The following ZBTB20 variants were observed in gnomAD, a reference collection of about 807,000 sequenced individuals.
ZBTB20 encodes zinc finger and BTB domain-containing protein 20.
Under a neutral mutation model 56.9 loss-of-function variants are expected in ZBTB20, and 9 were observed. The ratio of observed to expected loss-of-function variants is 0.16; its 90% CI spans 0.10 to 0.28. The LOEUF is 0.28. ZBTB20 is among the 10% of genes least tolerant of loss of function. The probability of loss-of-function intolerance (pLI) is 1.00; values close to 1 mark genes in which losing one functional copy is unlikely to be tolerated. For synonymous variants in ZBTB20, 417 were observed against 420.7 expected (o/e 0.99, Z 0.11); for missense variants, 655 against 1,003.0 (o/e 0.65, Z 4.69).
At chr3:114,607,036 T>C (rs1037160545) in intron 6 of ZBTB20, among the ~76,000 whole-genome samples, 15 of 151,882 alleles carry the variant, frequency 9.9e-5, no homozygotes, top group African/African-American at 3.6e-4. Flanking sequence ...AGGCACAGGT[T>C]GCAGTGAGCC....
chr3:114,699,017 T>C (rs953684020), intron 5 of ZBTB20, among the ~76,000 whole-genome samples: 2 of 152,168 alleles, frequency 1.3e-5, no homozygotes, highest in Non-Finnish European at 1.5e-5. Flanking sequence ...TTAGGCTATA[T>C]TGCTCTATCA....
chr3:114,892,492 G>A (rs1362518989), intron 4 of ZBTB20, among the ~76,000 whole-genome samples: 4 of 152,208 alleles, frequency 2.6e-5, no homozygotes, highest in Non-Finnish European at 4.4e-5. Flanking sequence ...AGAATGAGAA[G>A]TAAAAGTATA....
intron 1 of ZBTB20, among the ~76,000 whole-genome samples, chr3:115,125,855 C>CATAAAGCTAATAATCATTTTT (rs2084316375): frequency 6.6e-6 from 1 of 151,948 alleles, no homozygotes; most frequent in Admixed American, 6.6e-5. Flanking sequence ...TAAATTTTTA[C>CATAAAGCTAATAATCATTTTT]ATGTAGAAAA....
At chr3:114,541,015 AATATAGG>A (rs1261120297) in intron 6 of ZBTB20, among the ~76,000 whole-genome samples, 1 of 152,062 alleles carries the variant, frequency 6.6e-6, no homozygotes, top group Non-Finnish European at 1.5e-5. Flanking sequence ...TAAACTCTTG[AATATAGG>A]ATCAGATTAC....
intron 6 of ZBTB20, among the ~76,000 whole-genome samples, chr3:114,641,770 A>C (rs982303751): frequency 6.6e-6 from 1 of 151,874 alleles, no homozygotes; most frequent in African/African-American, 2.4e-5. Context: ...TAATTCTCTT[A>C]GTCTACCTGA....
At chr3:114,547,164 T>G (rs72952565) in intron 6 of ZBTB20, among the ~76,000 whole-genome samples, 5,876 of 152,044 alleles carry the variant, frequency 0.039, 355 homozygotes, top group African/African-American at 0.13. Context: ...GGTAGTAGAG[T>G]GGCCTTACAG....
chr3:114,629,127 C>G (rs992730815), intron 6 of ZBTB20, among the ~76,000 whole-genome samples: 1 of 152,152 alleles, frequency 6.6e-6, no homozygotes, highest in East Asian at 1.9e-4. Context: ...ATTCAGGGCT[C>G]ATAGGCAGAT....
chr3:114,904,103 A>C (rs1463110697), intron 3 of ZBTB20, among the ~76,000 whole-genome samples: 1 of 151,992 alleles, frequency 6.6e-6, no homozygotes, highest in African/African-American at 2.4e-5. Context: ...TTCCAGATGC[A>C]GATATACTAT....
chr3:114,514,823 C>T (rs1291882627), intron 6 of ZBTB20, among the ~76,000 whole-genome samples: 3 of 152,168 alleles, frequency 2.0e-5, no homozygotes, highest in African/African-American at 7.2e-5. Context: ...AAAGAGCATG[C>T]CTAGAGGGAA....
intron 6 of ZBTB20, among the ~76,000 whole-genome samples, chr3:114,620,683 A>C (rs897951155): frequency 1.1e-4 from 16 of 152,266 alleles, no homozygotes; most frequent in Middle Eastern, 3.4e-3. Flanking sequence ...TTGATCCTCC[A>C]CTCAGACTGA....
chr3:114,629,353 T>C (rs2058813148), intron 6 of ZBTB20, among the ~76,000 whole-genome samples: 2 of 152,210 alleles, frequency 1.3e-5, no homozygotes, highest in African/African-American at 4.8e-5. Flanking sequence ...GCATTAATAA[T>C]CTACAAATTC....
intron 6 of ZBTB20, among the ~76,000 whole-genome samples, chr3:114,577,408 A>G (rs2054198612): frequency 6.6e-6 from 1 of 152,350 alleles, no homozygotes; most frequent in Non-Finnish European, 1.5e-5. Flanking sequence ...AACATAATAA[A>G]GAGAGATAAG....
chr3:115,108,817 T>A (rs554115495), intron 1 of ZBTB20, among the ~76,000 whole-genome samples: 1 of 152,240 alleles, frequency 6.6e-6, no homozygotes, highest in Non-Finnish European at 1.5e-5. Context: ...GTATCTTTAA[T>A]ATAGAATGAC....
intron 5 of ZBTB20, among the ~76,000 whole-genome samples, chr3:114,711,657 T>C (rs1458055191): frequency 2.0e-5 from 3 of 152,218 alleles, no homozygotes; most frequent in African/African-American, 2.4e-5. Flanking sequence ...TGGCATCAAA[T>C]GCTGACATGG....
At chr3:114,509,221 A>G (rs2045022616) in intron 6 of ZBTB20, among the ~76,000 whole-genome samples, 4 of 152,128 alleles carry the variant, frequency 2.6e-5, no homozygotes, top group Admixed American at 2.6e-4. Flanking sequence ...AATGCGGCTG[A>G]GACTGCTTCT....
intron 7 of ZBTB20, chr3:114,418,998 C>T (rs532429557): frequency 6.6e-6 from 1 of 152,144 alleles, no homozygotes; most frequent in South Asian, 2.1e-4. Context: ...TGTGTTGATG[C>T]ATTTTCCATC....
chr3:114,956,475 T>A (rs2077250589), intron 3 of ZBTB20, among the ~76,000 whole-genome samples: 1 of 152,144 alleles, frequency 6.6e-6, no homozygotes, highest in Non-Finnish European at 1.5e-5. Flanking sequence ...CATACTGAAA[T>A]CACTAGGGAA....
At chr3:114,851,564 T>A (rs1375441478) in intron 4 of ZBTB20, among the ~76,000 whole-genome samples, 3 of 152,242 alleles carry the variant, frequency 2.0e-5, no homozygotes, top group Non-Finnish European at 4.4e-5. Flanking sequence ...CATTTAGTAA[T>A]TAAATCATGT....
chr3:114,720,790 G>A (rs1443215779), intron 5 of ZBTB20, among the ~76,000 whole-genome samples: 1 of 152,130 alleles, frequency 6.6e-6, no homozygotes, highest in Admixed American at 6.6e-5. Flanking sequence ...AAATAATGAT[G>A]TGTATGGAGA....
Sources: allele counts gnomAD v4.1 joint callset (sites outside exome capture counted in the v4.1 genomes callset), GRCh38; gene constraint gnomAD v4.1.1; transcripts MANE v1.5; gene names NCBI Gene and HGNC (gene_info 2026-07-23, HGNC 2026-07-21).